Variants in ADAMTS2 observed in about 807,000 individuals in gnomAD.
The protein encoded by ADAMTS2 is ADAM metallopeptidase with thrombospondin type 1 motif 2, also known as A disintegrin and metalloproteinase with thrombospondin motifs 2.
ADAMTS2 carries 50 observed loss-of-function variants against 123.0 expected under a neutral mutation model. The ratio of observed to expected loss-of-function variants is 0.41; its 90% CI spans 0.32 to 0.51. ADAMTS2 has a LOEUF of 0.51. Among genes scored for constraint, ADAMTS2 ranks in the 20% least tolerant of loss-of-function variants. The pLI, the probability that ADAMTS2 is intolerant of heterozygous loss-of-function variation, is 0.35. For synonymous variants in ADAMTS2, 678 were observed against 695.4 expected (o/e 0.98, Z 0.39); for missense variants, 1,494 against 1,705.2 (o/e 0.88, Z 2.18).
intron 3 of ADAMTS2, among the ~76,000 whole-genome samples, chr5:179,259,020 G>A (rs1487498589): frequency 6.6e-6 from 1 of 152,098 alleles, no homozygotes; most frequent in Non-Finnish European, 1.5e-5. Flanking sequence ...GCCTCCTGCC[G>A]GCTCCCTGCC....
chr5:179,135,873 C>T, intron 13 of ADAMTS2, 36 bp downstream of exon 13: 3 of 1,612,180 alleles, frequency 1.9e-6, no homozygotes, highest in Non-Finnish European at 8.5e-7. Flanking sequence ...TGAGACTTGA[C>T]ACGGTAGCCC....
At chr5:179,151,731 C>T (rs1201598954) in intron 10 of ADAMTS2, among the ~76,000 whole-genome samples, 1 of 152,148 alleles carries the variant, frequency 6.6e-6, no homozygotes, top group Non-Finnish European at 1.5e-5. Flanking sequence ...GGACAGTGTG[C>T]CCAACAAGGG....
chr5:179,166,646 G>A (rs553867592), intron 5 of ADAMTS2, among the ~76,000 whole-genome samples: 5 of 152,294 alleles, frequency 3.3e-5, no homozygotes, highest in African/African-American at 7.2e-5. Flanking sequence ...TCCTGGCCGC[G>A]GGACCCTGGC....
At chr5:179,151,717 C>T (rs1763359390) in intron 10 of ADAMTS2, among the ~76,000 whole-genome samples, 1 of 152,174 alleles carries the variant, frequency 6.6e-6, no homozygotes, top group Non-Finnish European at 1.5e-5. Context: ...CAAGGGACCT[C>T]GAAGGACAGT....
intron 10 of ADAMTS2, among the ~76,000 whole-genome samples, chr5:179,143,550 A>G (rs1156526011): frequency 6.6e-6 from 1 of 152,238 alleles, no homozygotes; most frequent in Non-Finnish European, 1.5e-5. Flanking sequence ...AGATGCAATC[A>G]GTGAACTTGA....
chr5:179,232,600 T>C (rs1350999881), intron 3 of ADAMTS2, among the ~76,000 whole-genome samples: 3 of 152,150 alleles, frequency 2.0e-5, no homozygotes, highest in Non-Finnish European at 4.4e-5. Context: ...CACTATAAGT[T>C]TATTGAGTCA....
intron 2 of ADAMTS2, among the ~76,000 whole-genome samples, chr5:179,337,775 T>A (rs529923849): frequency 3.0e-4 from 45 of 152,014 alleles, no homozygotes; most frequent in African/African-American, 1.0e-3. Context: ...TGTCCCTGGC[T>A]GATTCCCTTA....
intron 4 of ADAMTS2, among the ~76,000 whole-genome samples, chr5:179,195,313 T>C (rs1211073884): frequency 1.3e-5 from 2 of 151,784 alleles, no homozygotes; most frequent in African/African-American, 2.4e-5. Context: ...GCCCCGGGAG[T>C]TGGCACTGAC....
Position 179,260,112 on chromosome 5 carries a change from G to A in ADAMTS2, c.688+12799C>T, listed in dbSNP as rs116537373. 5.3e-5 allele frequency among the ~76,000 whole-genome samples: 8 copies of A among 152,244 alleles called. No homozygotes were observed. The highest frequency in any genetic ancestry group is 1.3e-4 in the Admixed American group (2 of 15,294). ...GAAGTGGGACTAGCAAAGGCCCAGG[G>A]CCACCCAATGTCCCATGGGCCCATG... On this transcript the variant is annotated intron_variant, in intron 3 of 21. Coordinates refer to ENST00000251582, the MANE Select transcript of ADAMTS2 (RefSeq NM_014244.5). This position sits in a 1 kb window ranked among gnomAD's most constrained non-coding sequence, Gnocchi z 4.2.
intron 5 of ADAMTS2, among the ~76,000 whole-genome samples, chr5:179,172,524 G>A (rs562143330): frequency 3.9e-5 from 6 of 152,332 alleles, no homozygotes; most frequent in African/African-American, 1.4e-4. Context: ...GGGAGACCAC[G>A]TACCTATGGC....
chr5:179,237,296 C>T (rs1765551411), intron 3 of ADAMTS2, among the ~76,000 whole-genome samples: 1 of 152,094 alleles, frequency 6.6e-6, no homozygotes, highest in African/African-American at 2.4e-5. Context: ...GTAGAAATAA[C>T]ATAAAAGAGG....
At chr5:179,235,051 C>T (rs949631397) in intron 3 of ADAMTS2, among the ~76,000 whole-genome samples, 7 of 152,234 alleles carry the variant, frequency 4.6e-5, no homozygotes, top group African/African-American at 1.7e-4. Flanking sequence ...CTGCCCTGCC[C>T]TTTCTGGCAG....
chr5:179,296,706 G>A (rs1375097398), intron 2 of ADAMTS2, among the ~76,000 whole-genome samples: 1 of 152,144 alleles, frequency 6.6e-6, no homozygotes, highest in Admixed American at 6.5e-5. Context: ...AGAGGCTGCT[G>A]CGTGCTGTGG....
In ADAMTS2 at chr5:179,303,624, A is replaced by G. The variant is rs1467557574; in HGVS notation, c.535-30560T>C. Among the ~76,000 whole-genome samples the G allele has an allele frequency of 6.6e-6, 1 of 152,210 alleles. No homozygotes were observed. The highest frequency in any genetic ancestry group is 6.5e-5 in the Admixed American group (1 of 15,280). ...ATTTCCGAATGCTCAGAGCCAAGCCAACACCTCATTTTTCTTTCCTATTTC... is the reference window on the plus strand; with the variant it reads ...ATTTCCGAATGCTCAGAGCCAAGCCGACACCTCATTTTTCTTTCCTATTTC... On this transcript the variant is annotated intron_variant, in intron 2 of 21. Transcript: ENST00000251582. The surrounding 1 kb of genome is among the most constrained non-coding windows in gnomAD (Gnocchi z 4.7).
Position 179,170,075 on chromosome 5 carries a change from G to A in ADAMTS2, c.975+10997C>T, listed in dbSNP as rs551434754. On this transcript the variant is annotated intron_variant, in intron 5 of 21. Coordinates refer to ENST00000251582, the MANE Select transcript of ADAMTS2 (RefSeq NM_014244.5). The surrounding 1 kb of genome is among the most constrained non-coding windows in gnomAD (Gnocchi z 4.3). ...GCCGATGCTCTGCTCCCTGGCTGGT[G>A]GTATATTGTATAAAATAAGATCATC... Among the ~76,000 whole-genome samples, 33 of 152,018 alleles carry A rather than the reference G, an allele frequency of 2.2e-4. No individual in the cohort carries two copies. Among genetic ancestry groups the A allele is most frequent in the Non-Finnish European group, 4.3e-4 (29 of 67,986 alleles).
Position 179,308,310 on chromosome 5 carries a change from C to T in ADAMTS2, c.535-35246G>A, listed in dbSNP as rs922588129. ...GATGGGATGTCGGGAGTCACCAGGACCATCTGACAAATGACCGCCTTGGGG... is the reference window on the plus strand; with the variant it reads ...GATGGGATGTCGGGAGTCACCAGGATCATCTGACAAATGACCGCCTTGGGG... On this transcript the variant is annotated intron_variant, in intron 2 of 21. Transcript: ENST00000251582. The surrounding 1 kb of genome is among the most constrained non-coding windows in gnomAD (Gnocchi z 6.6). Among the ~76,000 whole-genome samples, 3 of 152,290 alleles carry T rather than the reference C, an allele frequency of 2.0e-5. No homozygotes were observed. Among genetic ancestry groups the T allele is most frequent in the Admixed American group, 6.5e-5 (1 of 15,302 alleles).
At position 179,268,816 on chromosome 5, in the gene ADAMTS2, G is replaced by A. The variant is rs538252882; in HGVS notation, c.688+4095C>T. On this transcript the variant is annotated intron_variant, in intron 3 of 21. Transcript: ENST00000251582. ...GAAGCCTACAGTGCTGCTCCTCCGC[G>A]TGACCCAGACGGGCGCCTCCCGGGT... 9.2e-5 allele frequency among the ~76,000 whole-genome samples: 14 copies of A among 152,324 alleles called. No homozygotes were observed. The South Asian group carries it at 2.3e-3, about 25-fold the overall frequency.
chr5:179,145,712 C>T (rs999744949), intron 10 of ADAMTS2, among the ~76,000 whole-genome samples: 3 of 151,994 alleles, frequency 2.0e-5, no homozygotes, highest in African/African-American at 4.8e-5. Context: ...TGGAGTTGGG[C>T]GAGAGTAGGA....
In ADAMTS2 at chr5:179,249,187, T is replaced by C. The variant is rs557454772; in HGVS notation, c.688+23724A>G. ...AAGATAAATTAGAATATATAATAAA[T>C]AATAAATCTTGAGACAAATGAAAAT... On this transcript the variant is annotated intron_variant, in intron 3 of 21. Coordinates refer to ENST00000251582, the MANE Select transcript of ADAMTS2 (RefSeq NM_014244.5). 6.6e-5 allele frequency among the ~76,000 whole-genome samples: 10 copies of C among 152,024 alleles called. No individual in the cohort carries two copies. In the East Asian group the frequency reaches 1.9e-3, roughly 29 times the overall value.
Sources: gnomAD v4.1 joint callset for allele counts (sites outside exome capture counted in the v4.1 genomes callset) on GRCh38, gnomAD v4.1.1 for gene constraint, Gnocchi (gnomAD v3.1) non-coding constraint, MANE v1.5 for transcripts, NCBI Gene and HGNC (gene_info 2026-07-23, HGNC 2026-07-21) for gene names.